The following RBFOX1 variants were observed in gnomAD, a reference collection of about 807,000 sequenced individuals.
RBFOX1 encodes RNA binding protein fox-1 homolog 1.
RBFOX1 carries 8 observed loss-of-function variants against 57.7 expected under a neutral mutation model. The observed-to-expected ratio is 0.14, with a 90% confidence interval of 0.08 to 0.25. The LOEUF (loss-of-function observed/expected upper bound fraction) is 0.25, where lower values mean the gene tolerates loss of function less well. Among genes scored for constraint, RBFOX1 ranks in the 10% least tolerant of loss-of-function variants. The pLI, the probability that RBFOX1 is intolerant of heterozygous loss-of-function variation, is 1.00. For missense variants in RBFOX1, 611 were observed against 548.5 expected, an observed-to-expected ratio of 1.11 and a Z score of -1.14; for synonymous variants, 326 against 222.4, an observed-to-expected ratio of 1.47 and a Z score of -4.15.
At chr16:6,037,545 T>C (rs914632040) in intron 1 of RBFOX1, 3 of 150,232 alleles carry the variant, frequency 2.0e-5, no homozygotes, top group African/African-American at 7.3e-5. Context: ...AAAAAAACAG[T>C]CCGTTGAATG....
At chr16:6,559,583 A>T (rs1293508312) in intron 2 of RBFOX1, among the ~76,000 whole-genome samples, 1 of 152,072 alleles carries the variant, frequency 6.6e-6, no homozygotes, top group East Asian at 1.9e-4. Flanking sequence ...ACATTGGAAA[A>T]TAGGACGTGT....
intron 3 of RBFOX1, among the ~76,000 whole-genome samples, chr16:6,834,822 G>A (rs1321563122): frequency 6.7e-6 from 1 of 150,202 alleles, no homozygotes; most frequent in Non-Finnish European, 1.5e-5. Flanking sequence ...TCCCCAATGT[G>A]TTTGTGACTT....
intron 3 of RBFOX1, among the ~76,000 whole-genome samples, chr16:5,748,238 G>C (rs1355598019): frequency 6.6e-6 from 1 of 152,134 alleles, no homozygotes; most frequent in Non-Finnish European, 1.5e-5. Flanking sequence ...TGGTCTGAGA[G>C]ACAGTTTGTT....
chr16:7,670,964 T>A (rs1452129090), intron 13 of RBFOX1, among the ~76,000 whole-genome samples: 1 of 152,142 alleles, frequency 6.6e-6, no homozygotes. Flanking sequence ...TAACACTAGT[T>A]TACACACACG....
At chr16:5,920,636 A>G (rs535317236) in intron 4 of RBFOX1, among the ~76,000 whole-genome samples, 5 of 152,256 alleles carry the variant, frequency 3.3e-5, no homozygotes, top group African/African-American at 9.6e-5. Flanking sequence ...GGGACGGCCA[A>G]AAGACCTTGT....
intron 1 of RBFOX1, among the ~76,000 whole-genome samples, chr16:5,394,166 G>A (rs1235879374): frequency 6.6e-6 from 1 of 152,040 alleles, no homozygotes; most frequent in Non-Finnish European, 1.5e-5. Flanking sequence ...TGGAATTATA[G>A]GCATGCACTA....
intron 2 of RBFOX1, among the ~76,000 whole-genome samples, chr16:5,574,923 G>C (rs557173168): frequency 2.6e-5 from 4 of 152,282 alleles, no homozygotes; most frequent in Admixed American, 2.6e-4. Flanking sequence ...TGTGAGTTGA[G>C]CTTTTCATAC....
chr16:7,039,226 A>C (rs1173228668), intron 3 of RBFOX1, among the ~76,000 whole-genome samples: 2 of 152,202 alleles, frequency 1.3e-5, no homozygotes, highest in Non-Finnish European at 2.9e-5. Flanking sequence ...TTATTGTGCA[A>C]GTTTACGTAT....
intron 3 of RBFOX1, among the ~76,000 whole-genome samples, chr16:6,731,391 G>T (rs571685787): frequency 1.3e-5 from 2 of 152,160 alleles, no homozygotes; most frequent in Non-Finnish European, 2.9e-5. Context: ...CAGGGGATCA[G>T]TGACCTCACA....
intron 3 of RBFOX1, among the ~76,000 whole-genome samples, chr16:6,979,680 A>G (rs999649352): frequency 2.0e-5 from 3 of 152,204 alleles, no homozygotes; most frequent in Non-Finnish European, 1.5e-5. Context: ...GAATTCAAAT[A>G]AATAAACATG....
intron 3 of RBFOX1, among the ~76,000 whole-genome samples, chr16:6,767,954 AAGAAGAAG>A (rs2077633366): frequency 1.1e-5 from 1 of 90,426 alleles, no homozygotes. Flanking sequence ...TAATAAGAAG[AAGAAGAAG>A]AAGAAGAAGA....
At chr16:7,674,218 C>G (rs1359452712) in intron 13 of RBFOX1, among the ~76,000 whole-genome samples, 1 of 152,142 alleles carries the variant, frequency 6.6e-6, no homozygotes, top group East Asian at 1.9e-4. Context: ...TAAAACCACC[C>G]TAATCCCTTT....
intron 4 of RBFOX1, among the ~76,000 whole-genome samples, chr16:7,115,499 G>C (rs995260633): frequency 1.3e-5 from 2 of 152,204 alleles, no homozygotes; most frequent in African/African-American, 2.4e-5. Flanking sequence ...TTTGGCAGGT[G>C]TTGGCAGGAG....
At chr16:6,919,143 C>A (rs11647050) in intron 3 of RBFOX1, among the ~76,000 whole-genome samples, 3 of 151,762 alleles carry the variant, frequency 2.0e-5, no homozygotes, top group Non-Finnish European at 4.4e-5. Flanking sequence ...TCGTGCCTGG[C>A]TAGTTTTTTG....
rs189586303 is a variant in RBFOX1 at position 7,460,091 on chromosome 16, C to T, written c.28-58056C>T. Among the ~76,000 whole-genome samples the T allele has an allele frequency of 1.5e-3, 235 of 151,916 alleles. 1 individual carries two copies. The highest frequency in any genetic ancestry group is 5.5e-3 in the African/African-American group (229 of 41,422). On this transcript the variant is annotated intron_variant, in intron 4 of 15. Coordinates refer to ENST00000550418, the MANE Select transcript of RBFOX1 (RefSeq NM_018723.4). ...AGATAATTCAGTTAATTCATCAATT[C>T]GAAAATATCATTAAGGTTTCAGGTT...
In RBFOX1 at chr16:7,274,357, C is replaced by G. The variant is rs78120135; in HGVS notation, c.27+222259C>G. Among the ~76,000 whole-genome samples, 809 of 152,268 alleles carry G rather than the reference C, an allele frequency of 5.3e-3. 10 individuals carry two copies. Among genetic ancestry groups the G allele is most frequent in the African/African-American group, 0.018 (748 of 41,544 alleles). On this transcript the variant is annotated intron_variant, in intron 4 of 15. Coordinates refer to ENST00000550418, the MANE Select transcript of RBFOX1 (RefSeq NM_018723.4). The stretch of plus-strand genomic sequence containing the variant: ...GAGAACTGAAATTCAGAAAGTTTAA[C>G]TGCTTTGCTCAGAGATACACAATAA...
chr16:7,528,228 C>G (rs9935738), intron 5 of RBFOX1, among the ~76,000 whole-genome samples: 2 of 152,206 alleles, frequency 1.3e-5, no homozygotes, highest in African/African-American at 4.8e-5. Flanking sequence ...TTAGAGCCAT[C>G]TGACAAGTTT....
intron 4 of RBFOX1, among the ~76,000 whole-genome samples, chr16:5,953,267 C>G (rs886169586): frequency 3.3e-5 from 5 of 152,154 alleles, no homozygotes; most frequent in African/African-American, 1.2e-4. Flanking sequence ...CCCAATGAAA[C>G]TGGAAATGTG....
At chr16:5,753,012 A>C (rs1002979461) in intron 3 of RBFOX1, among the ~76,000 whole-genome samples, 1 of 152,070 alleles carries the variant, frequency 6.6e-6, no homozygotes, top group Non-Finnish European at 1.5e-5. Context: ...TATTTTAAAA[A>C]TTAGCCAGAT....
Sources: gnomAD v4.1 joint callset for allele counts (sites outside exome capture counted in the v4.1 genomes callset) on GRCh38, gnomAD v4.1.1 for gene constraint, MANE v1.5 for transcripts, NCBI Gene and HGNC (gene_info 2026-07-23, HGNC 2026-07-21) for gene names.